REEP1: variants seen among roughly 807,000 people sequenced by gnomAD.
REEP1 encodes receptor expression-enhancing protein 1.
REEP1 carries 22 observed loss-of-function variants against 40.3 expected under a neutral mutation model. That is an observed-to-expected ratio of 0.55 (90% CI 0.39 to 0.78). The LOEUF is 0.78. Ranked by LOEUF, REEP1 falls within the 30% of genes least tolerant of loss-of-function variation. REEP1 has a pLI of 0.00. For synonymous variants in REEP1, 116 were observed against 139.2 expected, an observed-to-expected ratio of 0.83 and a Z score of 1.17; for missense variants, 280 against 361.1, an observed-to-expected ratio of 0.78 and a Z score of 1.82.
intron 7 of REEP1, 165 bp from the exon 8 acceptor site, chr2:86,220,286 C>T: frequency 2.4e-6 from 1 of 412,026 alleles, no homozygotes; most frequent in Non-Finnish European, 4.2e-6. Flanking sequence ...TTGGGGGCCT[C>T]CTTACAGGGG....
chr2:86,274,639 A>C (rs986572208), intron 2 of REEP1, among the ~76,000 whole-genome samples: 1 of 152,224 alleles, frequency 6.6e-6, no homozygotes, highest in African/African-American at 2.4e-5. Flanking sequence ...GAAAGATTCT[A>C]TCCAAACCTC....
chr2:86,331,277 T>C (rs1479782985), intron 1 of REEP1, among the ~76,000 whole-genome samples: 3 of 152,192 alleles, frequency 2.0e-5, no homozygotes, highest in African/African-American at 7.2e-5. Flanking sequence ...TTGGGTCACC[T>C]GCCCACCTCT....
At position 86,216,796 on chromosome 2, in the gene REEP1, A is replaced by T. The variant is rs1406622116; in HGVS notation, c.*243T>A. On this transcript the variant is annotated 3_prime_UTR_variant, in exon 9 of 9. Coordinates refer to ENST00000538924, the MANE Select transcript of REEP1 (RefSeq NM_001371279.1). Reference sequence around the variant, plus strand: ...CCAATTGTGGAAAATTACCAACCTCAGAAGACTTAAAGGTCACCACCCCCG... The same window carrying T: ...CCAATTGTGGAAAATTACCAACCTCTGAAGACTTAAAGGTCACCACCCCCG... 4.0e-6 allele frequency: 2 copies of T among 496,310 alleles called. No homozygotes were observed. Among genetic ancestry groups the T allele is most frequent in the African/African-American group, 3.9e-5 (2 of 51,758 alleles). 30.7% of individuals were successfully genotyped at this position (496,310 alleles called of 1,614,324 possible).
At chr2:86,233,438 A>G (rs1007502) in intron 5 of REEP1, among the ~76,000 whole-genome samples, 1 of 151,968 alleles carries the variant, frequency 6.6e-6, no homozygotes, top group Non-Finnish European at 1.5e-5. Flanking sequence ...AAAATGATTT[A>G]AAAAAACCCT....
chr2:86,316,642 T>C (rs1241516217), intron 1 of REEP1, among the ~76,000 whole-genome samples: 1 of 151,224 alleles, frequency 6.6e-6, no homozygotes, highest in Non-Finnish European at 1.5e-5. Flanking sequence ...GCAGATCACC[T>C]GAGGTCAGGA....
At chr2:86,332,672 G>T (rs942000076) in intron 1 of REEP1, among the ~76,000 whole-genome samples, 12 of 152,146 alleles carry the variant, frequency 7.9e-5, no homozygotes, top group African/African-American at 2.9e-4. Flanking sequence ...TCACTTGTCA[G>T]CTAACCTCAA....
chr2:86,332,548 T>C (rs981911149), intron 1 of REEP1, among the ~76,000 whole-genome samples: 14 of 151,392 alleles, frequency 9.2e-5, no homozygotes, highest in Non-Finnish European at 1.9e-4. Context: ...TGAGTCCCCC[T>C]TCCCTCATTC....
At chr2:86,260,647 T>C (rs899612828) in intron 3 of REEP1, among the ~76,000 whole-genome samples, 17 of 152,188 alleles carry the variant, frequency 1.1e-4, no homozygotes, top group Admixed American at 3.9e-4. Flanking sequence ...CAGGCCATCA[T>C]TGGCTTGAAG....
intron 1 of REEP1, among the ~76,000 whole-genome samples, chr2:86,305,094 A>G (rs1275953584): frequency 6.6e-6 from 1 of 152,024 alleles, no homozygotes; most frequent in East Asian, 1.9e-4. Context: ...CAACAGATAT[A>G]CAGATATTGG....
intron 6 of REEP1, among the ~76,000 whole-genome samples, chr2:86,232,416 C>T (rs1339585932): frequency 1.3e-5 from 2 of 152,234 alleles, no homozygotes; most frequent in African/African-American, 2.4e-5. Context: ...TGACCTAGCC[C>T]TGTCCCTGAT....
chr2:86,282,061 C>T, intron 2 of REEP1, 109 bp downstream of exon 2: 1 of 790,080 alleles, frequency 1.3e-6, no homozygotes, highest in Non-Finnish European at 2.3e-6. Context: ...GAAGGAACTC[C>T]TTTTCCCTGC....
intron 1 of REEP1, among the ~76,000 whole-genome samples, chr2:86,318,123 A>G (rs1333748836): frequency 6.6e-6 from 1 of 152,228 alleles, no homozygotes; most frequent in Non-Finnish European, 1.5e-5. Flanking sequence ...ATTAATGCAT[A>G]TGGATTTTGG....
chr2:86,293,682 A>C (rs1466810819), intron 1 of REEP1, among the ~76,000 whole-genome samples: 3 of 152,234 alleles, frequency 2.0e-5, no homozygotes, highest in Non-Finnish European at 4.4e-5. Flanking sequence ...CCCCTCACTC[A>C]GCTGTACTGA....
chr2:86,310,138 C>T (rs569016619), intron 1 of REEP1, among the ~76,000 whole-genome samples: 7 of 152,182 alleles, frequency 4.6e-5, no homozygotes, highest in Non-Finnish European at 1.0e-4. Context: ...TCATGTCTGT[C>T]TTATTCAGCA....
At chr2:86,295,062 A>C (rs141056447) in intron 1 of REEP1, among the ~76,000 whole-genome samples, 81 of 152,354 alleles carry the variant, frequency 5.3e-4, no homozygotes, top group Middle Eastern at 6.8e-3. Flanking sequence ...AGAAAAGAAA[A>C]AAAGCAAGCT....
Position 86,227,318 on chromosome 2 carries a change from G to A in REEP1, c.631+45C>T, listed in dbSNP as rs74367622. ...CCACTCCTGGTTAGAAGCTCTTTCC[G>A]AGTGAGAGTCCAGCACGCTGCGGAG... On this transcript the variant is annotated intron_variant, in intron 7 of 8. Coordinates refer to ENST00000538924, the MANE Select transcript of REEP1 (RefSeq NM_001371279.1). The A allele has an allele frequency of 1.0e-3, 1,285 of 1,231,242 alleles. 27 individuals are homozygous for A. In the East Asian group the frequency reaches 0.036, roughly 34 times the overall value. The allele number at this position is 1,231,242 out of a possible 1,614,324, so 76.3% of individuals were successfully genotyped here. A position where few individuals can be genotyped will look rare whatever the true frequency, so the allele number is the denominator to read the frequency against.
At chr2:86,293,098 A>G (rs889994790) in intron 1 of REEP1, among the ~76,000 whole-genome samples, 6 of 133,736 alleles carry the variant, frequency 4.5e-5, no homozygotes, top group East Asian at 4.3e-4. Context: ...TCATTCATTC[A>G]TTTGTTTGTT....
At chr2:86,251,853 C>A in intron 5 of REEP1, 104 bp downstream of exon 5, 1 of 845,986 alleles carries the variant, frequency 1.2e-6, no homozygotes, top group Non-Finnish European at 2.1e-6. Flanking sequence ...AGATGAAAAA[C>A]CACTGATTGG....
chr2:86,302,739 A>T (rs1005181254), intron 1 of REEP1, among the ~76,000 whole-genome samples: 1 of 152,214 alleles, frequency 6.6e-6, no homozygotes, highest in Non-Finnish European at 1.5e-5. Context: ...GATACACAGT[A>T]ACTTCAATCA....
Sources: allele counts gnomAD v4.1 joint callset (sites outside exome capture counted in the v4.1 genomes callset), GRCh38; gene constraint gnomAD v4.1.1; transcripts MANE v1.5; gene names NCBI Gene and HGNC (gene_info 2026-07-23, HGNC 2026-07-21).